Variants in CDYL observed in about 807,000 individuals in gnomAD.
CDYL encodes chromodomain Y-like protein.
CDYL carries 8 observed loss-of-function variants against 47.3 expected under a neutral mutation model. That is an observed-to-expected ratio of 0.17 (90% CI 0.10 to 0.31). The LOEUF (loss-of-function observed/expected upper bound fraction) is 0.31, where lower values mean the gene tolerates loss of function less well. CDYL is among the 10% of genes least tolerant of loss of function. The pLI, the probability that CDYL is intolerant of heterozygous loss-of-function variation, is 1.00. For missense variants in CDYL, 471 were observed against 701.4 expected (o/e 0.67, Z 3.71); for synonymous variants, 266 against 265.0 (o/e 1.00, Z -0.04).
At chr6:4,762,258 T>C (rs1185373586) in intron 3 of CDYL, among the ~76,000 whole-genome samples, 1 of 152,214 alleles carries the variant, frequency 6.6e-6, no homozygotes, top group Non-Finnish European at 1.5e-5. Flanking sequence ...TTTCAAGCCA[T>C]GAAATTGATT....
rs17139035 is a variant in CDYL, at chr6:4,954,122, C to G, written c.*66C>G. 6.1e-3 allele frequency: 9,187 copies of G among 1,518,316 alleles called. 458 individuals carry two copies. The African/African-American group carries it at 0.11, about 18-fold the overall frequency. The allele number at this position is 1,518,316 out of a possible 1,614,324, so 94.1% of individuals were successfully genotyped here. Reference sequence around the variant, plus strand: ...CAGGAGAACATCACCGGCTCCAGTTCCCCTGATCCATTCTCACAGCCTGAA... The same window carrying G: ...CAGGAGAACATCACCGGCTCCAGTTGCCCTGATCCATTCTCACAGCCTGAA... On this transcript the variant is annotated 3_prime_UTR_variant, in exon 7 of 7. Transcript: ENST00000397588.
At chr6:4,809,528 T>C (rs1759464814) in intron 1 of CDYL, among the ~76,000 whole-genome samples, 1 of 152,092 alleles carries the variant, frequency 6.6e-6, no homozygotes, top group East Asian at 1.9e-4. Flanking sequence ...ATCCTTTGTA[T>C]GGTAGGGGTA....
chr6:4,803,596 T>G (rs1054674960), intron 1 of CDYL, among the ~76,000 whole-genome samples: 2 of 152,020 alleles, frequency 1.3e-5, no homozygotes, highest in South Asian at 4.2e-4. Context: ...CACTTGAGAG[T>G]GTAGCCCCTG....
chr6:4,826,409 CT>C (rs1267580282), intron 1 of CDYL, among the ~76,000 whole-genome samples: 1 of 152,064 alleles, frequency 6.6e-6, no homozygotes, highest in African/African-American at 2.4e-5. Flanking sequence ...TTACTTTGCT[CT>C]TCTTTTTCTA....
At chr6:4,832,439 G>A (rs1299937161) in intron 1 of CDYL, among the ~76,000 whole-genome samples, 1 of 150,864 alleles carries the variant, frequency 6.6e-6, no homozygotes. Flanking sequence ...CTTGATCATG[G>A]TGAATAAGCT....
rs111839757 is a variant in CDYL, at chr6:4,771,183, G to A, written c.186+36339G>A. On this transcript the variant is annotated intron_variant, in intron 3 of 8. Transcript: ENST00000328908. ...GGCTGGAGTGCAGTGGTGCTATCTC[G>A]GGTCCTTGCAACCTCTGCCTCCCGG... Among the ~76,000 whole-genome samples the A allele has an allele frequency of 6.7e-3, 1,012 of 151,864 alleles. 17 individuals carry two copies. The highest frequency in any genetic ancestry group is 0.023 in the African/African-American group (958 of 41,402).
intron 2 of CDYL, among the ~76,000 whole-genome samples, chr6:4,933,423 C>T (rs531497274): frequency 6.6e-6 from 1 of 152,186 alleles, no homozygotes; most frequent in East Asian, 1.9e-4. Flanking sequence ...TTAGAGTCAT[C>T]CAGCATCCAT....
chr6:4,783,335 AG>A (rs1451829412), intron 1 of CDYL, among the ~76,000 whole-genome samples: 3 of 151,790 alleles, frequency 2.0e-5, no homozygotes, highest in Admixed American at 2.0e-4. Flanking sequence ...AAATAAAACC[AG>A]TTAATTGGTT....
chr6:4,916,598 A>G (rs899103021), intron 2 of CDYL, among the ~76,000 whole-genome samples: 13 of 57,282 alleles, frequency 2.3e-4, no homozygotes, highest in African/African-American at 7.2e-4. Context: ...AAGGGTGACC[A>G]GATGTATCGG....
rs998018810 is a variant in CDYL, at chr6:4,930,986, G to T, written c.692-4529G>T. Among the ~76,000 whole-genome samples the T allele has an allele frequency of 4.6e-5, 7 of 152,266 alleles. No individual in the cohort carries two copies. In the East Asian group the frequency reaches 1.4e-3, roughly 29 times the overall value. On this transcript the variant is annotated intron_variant, in intron 2 of 6. Coordinates refer to ENST00000397588, the MANE Select transcript of CDYL (RefSeq NM_004824.4). ...GGGGGCGGTTTTTTTCTGAATCTCA[G>T]TGTTTACCATTTGTTTAGTCATTAG...
chr6:4,895,936 T>C (rs1169306908), intron 2 of CDYL, among the ~76,000 whole-genome samples: 5 of 152,208 alleles, frequency 3.3e-5, no homozygotes, highest in African/African-American at 1.2e-4. Flanking sequence ...CTTAAATTAT[T>C]TTACCTTGTT....
At chr6:4,798,170 A>G (rs868275517) in intron 1 of CDYL, among the ~76,000 whole-genome samples, 1 of 151,986 alleles carries the variant, frequency 6.6e-6, no homozygotes, top group African/African-American at 2.4e-5. Flanking sequence ...ATGGAGTTTC[A>G]CCGTGTTTCC....
At chr6:4,722,096 G>A (rs989473121) in intron 2 of CDYL, among the ~76,000 whole-genome samples, 2 of 151,930 alleles carry the variant, frequency 1.3e-5, no homozygotes, top group African/African-American at 2.4e-5. Flanking sequence ...CTTTTGATCC[G>A]CATGCCTCAG....
At chr6:4,887,834 C>A (rs956085236) in intron 1 of CDYL, among the ~76,000 whole-genome samples, 2 of 147,692 alleles carry the variant, frequency 1.4e-5, no homozygotes, top group African/African-American at 5.0e-5. Flanking sequence ...TTCATAGATT[C>A]CTTTTATTAA....
chr6:4,775,740 C>G (rs1758421009), upstream of CDYL, among the ~76,000 whole-genome samples: 1 of 148,088 alleles, frequency 6.8e-6, no homozygotes, highest in Admixed American at 6.7e-5. This position sits in a 1 kb window ranked among gnomAD's most constrained non-coding sequence, Gnocchi z 7.0. Flanking sequence ...GCGCGCGGCC[C>G]GGGCTCCGGG....
chr6:4,953,855 C>A, intron 6 of CDYL, 43 bp from the exon 7 acceptor site: 1 of 1,578,830 alleles, frequency 6.3e-7, no homozygotes, highest in South Asian at 1.1e-5. Context: ...CCCGTGTCTG[C>A]CCGCATGCAC....
chr6:4,723,865 C>A (rs1201731547), intron 2 of CDYL, among the ~76,000 whole-genome samples: 1 of 152,230 alleles, frequency 6.6e-6, no homozygotes, highest in African/African-American at 2.4e-5. Flanking sequence ...GTGTTTAGGT[C>A]TAACCGGTCC....
At chr6:4,780,398 G>GGCCCCC in intron 1 of CDYL, among the ~76,000 whole-genome samples, 1 of 12,384 alleles carries the variant, frequency 8.1e-5, no homozygotes, top group African/African-American at 1.9e-4. Flanking sequence ...CCCCGCCTAC[G>GGCCCCC]CCCCCCCCCC....
chr6:4,812,383 T>G (rs1738814167), intron 1 of CDYL, among the ~76,000 whole-genome samples: 1 of 152,186 alleles, frequency 6.6e-6, no homozygotes, highest in Admixed American at 6.5e-5. Context: ...GGTGTAGCGG[T>G]GAACTCACTC....
Sources: allele counts gnomAD v4.1 joint callset (sites outside exome capture counted in the v4.1 genomes callset), GRCh38; gene constraint gnomAD v4.1.1; non-coding constraint Gnocchi (gnomAD v3.1); transcripts MANE v1.5; gene names NCBI Gene and HGNC (gene_info 2026-07-23, HGNC 2026-07-21).